TTN: variants seen among roughly 807,000 people sequenced by gnomAD.
TTN encodes titin.
TTN carries 1,525 observed loss-of-function variants against 3,223.0 expected under a neutral mutation model. That is an observed-to-expected ratio of 0.47 (90% CI 0.45 to 0.49). The LOEUF (loss-of-function observed/expected upper bound fraction) is 0.49, where lower values mean the gene tolerates loss of function less well. Among genes scored for constraint, TTN ranks in the 20% least tolerant of loss-of-function variants. The pLI is 0.00. For synonymous variants in TTN, 14,094 were observed against 15,161.0 expected (o/e 0.93, Z 5.17); for missense variants, 40,786 against 43,424.0 (o/e 0.94, Z 5.40).
Position 178,644,563 on chromosome 2 carries a change from G to A in TTN, c.40462C>T (p.Leu13488Phe), listed in dbSNP as rs1214468436. 3 of 1,586,642 alleles carry A rather than the reference G, an allele frequency of 1.9e-6. No homozygotes were observed. In the South Asian group the frequency reaches 3.5e-5, roughly 19 times the overall value. Residue 13488 changes from leucine to phenylalanine, a missense_variant, in exon 218 of 363, where the codon CTT (leucine) becomes TTT (phenylalanine). By Grantham distance (22) the Leu-to-Phe change is conservative. Coordinates refer to ENST00000589042, the MANE Select transcript of TTN (RefSeq NM_001267550.2). ...EKPQVPEKVE[L>F]TPLKVPGGEK... Reference sequence around the variant, plus strand: ...TGTGAAATACCTTTCAGAGGTGTAAGCTCCACTTTTTCTGGAACCTGAGGT... The same window carrying A: ...TGTGAAATACCTTTCAGAGGTGTAAACTCCACTTTTTCTGGAACCTGAGGT...
At chr2:178,715,809 A>G in intron 88 of TTN, 35 bp from the exon 89 acceptor site, 1 of 1,526,002 alleles carries the variant, frequency 6.6e-7, no homozygotes, top group East Asian at 2.4e-5. Flanking sequence ...AGGGTAAGGG[A>G]TGGAACAGAT....
intron 99 of TTN, 51 bp from the exon 100 acceptor site, chr2:178,707,864 A>C: frequency 6.6e-7 from 1 of 1,519,496 alleles, no homozygotes; most frequent in Non-Finnish European, 8.8e-7. Flanking sequence ...AAAAAGTATT[A>C]AATTCCACAA....
chr2:178,635,436 A>G lies in TTN; in HGVS notation c.41884+4T>C, dbSNP rs566363707. 3 of 1,605,278 alleles carry G rather than the reference A, an allele frequency of 1.9e-6. No homozygotes were observed. In the African/African-American group the frequency reaches 4.0e-5, roughly 22 times the overall value. ...TAATTTGAATAAAAGGTAAGATTTT[A>G]TACCTCCAAGTGTCAGCTTTGCAGG... On this transcript the variant is annotated splice_donor_region_variant and intron_variant, in intron 227 of 362. Coordinates refer to ENST00000589042, the MANE Select transcript of TTN (RefSeq NM_001267550.2).
intron 80 of TTN, 42 bp from the exon 81 acceptor site, chr2:178,720,306 T>C (rs72648974): frequency 1.3e-6 from 2 of 1,595,170 alleles, no homozygotes; most frequent in South Asian, 2.3e-5. Flanking sequence ...AATGTGAGAA[T>C]CATGGCCACA....
rs1689326200 is a variant in TTN at position 178,531,991 on chromosome 2, C to T, written c.104624G>A (p.Arg34875Lys). 6.2e-7 allele frequency: 1 copy of T among 1,613,782 alleles called. No homozygotes were observed. Reference protein sequence around the residue: ...AEEYEDDTERRSPTPERTRPR... With the variant: ...AEEYEDDTERKSPTPERTRPR... The stretch of plus-strand genomic sequence containing the variant: ...GCGAGTTCTCTCTGGAGTAGGTGAC[C>T]TTCTTTCTGTGTCATCTTCGTATTC... The change falls in exon 358 of 363, where the codon AGG becomes AAG. Residue 34875 changes from arginine (R) to lysine (K), a missense_variant. Arg to Lys is a conservative substitution (Grantham distance 26). Coordinates refer to ENST00000589042, the MANE Select transcript of TTN (RefSeq NM_001267550.2).
In TTN at chr2:178,644,587, G is replaced by A; in HGVS notation, c.40438C>T (p.Pro13480Ser). 1 of 1,577,462 alleles carries A rather than the reference G, an allele frequency of 6.3e-7. No homozygotes were observed. Among genetic ancestry groups the A allele is most frequent in the Non-Finnish European group, 8.6e-7 (1 of 1,165,306 alleles). ...AIPKKKVPEK[P>S]QVPEKVELTP... ...AGCTCCACTTTTTCTGGAACCTGAG[G>A]TTTTTCAGGAACTTTCTTCTTTGGA... Residue 13480 changes from proline to serine, a missense_variant, in exon 218 of 363, where the codon CCT (proline) becomes TCT (serine). Transcript: ENST00000589042.
Position 178,561,079 on chromosome 2 carries a change from A to G in TTN, c.85053T>C (p.Asp28351=), listed in dbSNP as rs756426672. Residue 28351 remains aspartate, a synonymous_variant, in exon 326 of 363, where the codon GAT becomes GAC. Coordinates refer to ENST00000589042, the MANE Select transcript of TTN (RefSeq NM_001267550.2). ...ESTGPIIVKD[D]VEPPRVMMDV... is the part of the protein sequence containing the mutation. The stretch of plus-strand genomic sequence containing the variant: ...CCATCATAACTCTTGGAGGCTCAAC[A>G]TCATCTTTAACTATAATAGGCCCAG... The G allele has an allele frequency of 6.2e-7, 1 of 1,613,864 alleles. No individual in the cohort carries two copies. Among genetic ancestry groups the G allele is most frequent in the East Asian group, 2.2e-5 (1 of 44,870 alleles).
rs1690528772 is a variant in TTN at position 178,534,422 on chromosome 2, A to G, written c.102193T>C (p.Ser34065Pro). ...VKERKSRMTASEALQHPWLKQ... is the reference protein window; with the variant it reads ...VKERKSRMTAPEALQHPWLKQ... ...AACCATGGGTGCTGGAGAGCCTCCG[A>G]TGCTGTCATGCGAGATTTCCTCTCT... The change falls in exon 358 of 363, where the codon TCG (serine) becomes CCG (proline). Residue 34065 changes from serine (S) to proline (P), a missense_variant. Physicochemically the swap from Ser to Pro is moderately conservative, Grantham distance 74. Coordinates refer to ENST00000589042, the MANE Select transcript of TTN (RefSeq NM_001267550.2). 2 of 1,612,088 alleles carry G rather than the reference A, an allele frequency of 1.2e-6. No homozygotes were observed. Among genetic ancestry groups the G allele is most frequent in the Non-Finnish European group, 1.7e-6 (2 of 1,179,822 alleles).
chr2:178,675,735 T>G lies in TTN; in HGVS notation c.34473A>C (p.Lys11491Asn). 1 of 1,437,648 alleles carries G rather than the reference T, an allele frequency of 7.0e-7. No individual in the cohort carries two copies. Among genetic ancestry groups the G allele is most frequent in the Admixed American group, 2.7e-5 (1 of 36,578 alleles). The allele number at this position is 1,437,648 out of a possible 1,614,324, so 89.1% of individuals were successfully genotyped here. A position where few individuals can be genotyped will look rare whatever the true frequency, so the allele number is the denominator to read the frequency against. Reference sequence around the variant, plus strand: ...GAGGGACCTTCTTTTCTGGCTCAGGTTTCTTAGGTACCACAGACACTTTAA... The same window carrying G: ...GAGGGACCTTCTTTTCTGGCTCAGGGTTCTTAGGTACCACAGACACTTTAA... ...PPAKVSVVPK[K>N]PEPEKKVPPP... Residue 11491 changes from lysine to asparagine, a missense_variant, in exon 149 of 363, where the codon AAA (lysine) becomes AAC (asparagine). Physicochemically the swap from Lys to Asn is moderately conservative, Grantham distance 94. Coordinates refer to ENST00000589042, the MANE Select transcript of TTN (RefSeq NM_001267550.2).
At chr2:178,794,770 C>A in intron 7 of TTN, 152 bp downstream of exon 7, 1 of 1,131,974 alleles carries the variant, frequency 8.8e-7, no homozygotes, top group Non-Finnish European at 1.3e-6. Flanking sequence ...TTTTACAAAG[C>A]ATGACTACTG....
At chr2:178,730,055 T>C (rs1217389290) in intron 62 of TTN, 38 bp downstream of exon 62, 1 of 833,982 alleles carries the variant, frequency 1.2e-6, no homozygotes, top group East Asian at 5.2e-5. Flanking sequence ...CAAGAAAATC[T>C]AGACAAGCAA....
At chr2:178,650,004 C>G (rs2062677839) in intron 210 of TTN, 110 bp from the exon 211 acceptor site, 1 of 1,361,468 alleles carries the variant, frequency 7.3e-7, no homozygotes, top group Non-Finnish European at 1.0e-6. Context: ...GGACCAAATT[C>G]TGTGGGTCCA....
intron 6 of TTN, chr2:178,799,121 AAG>A (rs1226333084): frequency 3.9e-6 from 1 of 255,104 alleles, no homozygotes; most frequent in African/African-American, 2.2e-5. Flanking sequence ...AAGTGCTGGG[AAG>A]AGAAGTGCGT....
At chr2:178,719,897 GA>G in intron 81 of TTN, 65 bp from the exon 82 acceptor site, 1 of 1,550,386 alleles carries the variant, frequency 6.5e-7, no homozygotes. Flanking sequence ...TGCAATCACT[GA>G]ATTACTGGAT....
intron 304 of TTN, 106 bp downstream of exon 304, chr2:178,588,432 A>G: frequency 7.6e-7 from 1 of 1,323,166 alleles, no homozygotes; most frequent in South Asian, 1.7e-5. Context: ...TGCTAAATAC[A>G]GTTTGGATGT....
At position 178,531,850 on chromosome 2, in the gene TTN, T is replaced by G. The variant is rs1384853178; in HGVS notation, c.104765A>C (p.Lys34922Thr). The G allele has an allele frequency of 6.2e-7, 1 of 1,613,832 alleles. No individual in the cohort carries two copies. The highest frequency in any genetic ancestry group is 8.5e-7 in the Non-Finnish European group (1 of 1,179,774). ...ESMKAALKTQ[K>T]TSERKYEVLS... Reference sequence around the variant, plus strand: ...AACTTCATACTTCCTTTCTGATGTCTTCTGAGTTTTTAAAGCAGCTTTCAT... The same window carrying G: ...AACTTCATACTTCCTTTCTGATGTCGTCTGAGTTTTTAAAGCAGCTTTCAT... The change falls in exon 358 of 363, where the codon AAG becomes ACG. Residue 34922 changes from lysine (K) to threonine (T), a missense_variant. Transcript: ENST00000589042.
rs779624746 is a variant in TTN at position 178,766,475 on chromosome 2, G to C, written c.9609C>G (p.His3203Gln). The C allele has an allele frequency of 6.2e-7, 1 of 1,614,074 alleles. No homozygotes were observed. Among genetic ancestry groups the C allele is most frequent in the South Asian group, 1.1e-5 (1 of 91,078 alleles). Residue 3203 changes from histidine to glutamine, a missense_variant, in exon 41 of 363, where the codon CAC becomes CAG. Transcript: ENST00000589042. Reference protein sequence around the residue: ...RHKYVVERRIHRMFISETRQS... With the variant: ...RHKYVVERRIQRMFISETRQS... ...GTCTGGTCTCAGAGATAAACATTCG[G>C]TGGATTCTTCTTTCCACTACATATT...
chr2:178,711,301 T>C lies in TTN; in HGVS notation c.27935A>G (p.Glu9312Gly). 1 of 1,613,060 alleles carries C rather than the reference T, an allele frequency of 6.2e-7. No homozygotes were observed. The highest frequency in any genetic ancestry group is 8.5e-7 in the Non-Finnish European group (1 of 1,179,278). The change falls in exon 97 of 363, where the codon GAA (glutamate) becomes GGA (glycine). Residue 9312 changes from glutamate to glycine, a missense_variant. Coordinates refer to ENST00000589042, the MANE Select transcript of TTN (RefSeq NM_001267550.2). The stretch of plus-strand genomic sequence containing the variant: ...AAAAACAACTGGCAGTCCAACTGTT[T>C]CTTGAACATCTCTCAATTGTCGAGA... ...SFSRQLRDVQ[E>G]TVGLPVVFDC...
chr2:178,537,824 G>A lies in TTN; in HGVS notation c.99383C>T (p.Pro33128Leu). Residue 33128 changes from proline (P) to leucine (L), a missense_variant, in exon 355 of 363, where the codon CCT becomes CTT. Coordinates refer to ENST00000589042, the MANE Select transcript of TTN (RefSeq NM_001267550.2). Reference sequence around the variant, plus strand: ...TCTGTACCATTTAATGTCAGGAAGAGGCCTTCCAACAATCTGGCATGAGAG... The same window carrying A: ...TCTGTACCATTTAATGTCAGGAAGAAGCCTTCCAACAATCTGGCATGAGAG... Reference protein sequence around the residue: ...AQLSCQIVGRPLPDIKWYRFG... With the variant: ...AQLSCQIVGRLLPDIKWYRFG... The A allele has an allele frequency of 6.2e-7, 1 of 1,613,670 alleles. No homozygotes were observed. Among genetic ancestry groups the A allele is most frequent in the Non-Finnish European group, 8.5e-7 (1 of 1,179,736 alleles).
Sources: allele counts gnomAD v4.1 joint callset, GRCh38; gene constraint gnomAD v4.1.1; transcripts MANE v1.5; gene names NCBI Gene and HGNC (gene_info 2026-07-23, HGNC 2026-07-21).